The following GHR variants were observed in gnomAD, a reference collection of about 807,000 sequenced individuals.
GHR encodes the protein growth hormone receptor, also known as GH receptor.
GHR carries 35 observed loss-of-function variants against 67.1 expected under a neutral mutation model. That is an observed-to-expected ratio of 0.52 (90% CI 0.40 to 0.69). The LOEUF (loss-of-function observed/expected upper bound fraction) is 0.69. Among genes scored for constraint, GHR ranks in the 30% least tolerant of loss-of-function variants. The probability of loss-of-function intolerance (pLI) is 0.00; values close to 1 mark genes in which losing one functional copy is unlikely to be tolerated. For synonymous variants in GHR, 272 were observed against 269.1 expected (o/e 1.01, Z -0.10); for missense variants, 792 against 764.6 (o/e 1.04, Z -0.42).
chr5:42,467,222 G>A, intron 1 of GHR: 2 of 1,489,014 alleles, frequency 1.3e-6, no homozygotes, highest in Non-Finnish European at 1.9e-6. Context: ...CAGTCATAAG[G>A]TTTCTCTGCA....
chr5:42,616,087 G>C (rs886705229), intron 2 of GHR, among the ~76,000 whole-genome samples: 1 of 151,960 alleles, frequency 6.6e-6, no homozygotes, highest in African/African-American at 2.4e-5. Flanking sequence ...GGGGATCTTG[G>C]TGGCCATGAT....
chr5:42,622,796 T>A (rs935155989), intron 2 of GHR, among the ~76,000 whole-genome samples: 1 of 152,200 alleles, frequency 6.6e-6, no homozygotes, highest in South Asian at 2.1e-4. Flanking sequence ...ACTAGAGAAC[T>A]GGGATTGGCT....
At chr5:42,484,074 C>G (rs1745775584) in intron 1 of GHR, among the ~76,000 whole-genome samples, 1 of 152,168 alleles carries the variant, frequency 6.6e-6, no homozygotes, top group South Asian at 2.1e-4. Context: ...TGCTGGCCAG[C>G]ACATGGATGG....
In GHR at chr5:42,720,159, C is replaced by A. The variant is rs939581068; in HGVS notation, c.*735C>A. ...TTTATACCTCCCCAGACTCCTTCAA[C>A]AATTCTAAAATGATTGTAGTAATCT... On this transcript the variant is annotated 3_prime_UTR_variant, in exon 10 of 10. Transcript: ENST00000230882. 6.6e-6 allele frequency: 1 copy of A among 152,332 alleles called. No homozygotes were observed. The highest frequency in any genetic ancestry group is 1.9e-4 in the East Asian group (1 of 5,186). 9.4% of individuals were successfully genotyped at this position (152,332 alleles called of 1,614,324 possible). A position where few individuals can be genotyped will look rare whatever the true frequency, so the allele number is the denominator to read the frequency against.
At chr5:42,505,648 A>G (rs1746742145) in intron 1 of GHR, among the ~76,000 whole-genome samples, 1 of 152,144 alleles carries the variant, frequency 6.6e-6, no homozygotes, top group Admixed American at 6.5e-5. Flanking sequence ...CTTTTGTGAG[A>G]TTTCGCTTAT....
chr5:42,686,509 C>A (rs992821167), intron 3 of GHR, among the ~76,000 whole-genome samples: 1 of 152,204 alleles, frequency 6.6e-6, no homozygotes, highest in African/African-American at 2.4e-5. Flanking sequence ...CCCTGGAATG[C>A]AAGGCTGGTT....
chr5:42,477,179 A>C (rs1484302545), intron 1 of GHR, among the ~76,000 whole-genome samples: 1 of 151,798 alleles, frequency 6.6e-6, no homozygotes, highest in African/African-American at 2.4e-5. Flanking sequence ...GATGGTTTCC[A>C]GTTTCATCCA....
chr5:42,566,407 C>T (rs1359206932), intron 2 of GHR, among the ~76,000 whole-genome samples: 1 of 152,216 alleles, frequency 6.6e-6, no homozygotes, highest in Non-Finnish European at 1.5e-5. Context: ...TCACTTCTCA[C>T]TCTCTGGGTG....
At chr5:42,566,100 T>C (rs1333803176) in intron 2 of GHR, among the ~76,000 whole-genome samples, 156 bp downstream of exon 2, 1 of 152,232 alleles carries the variant, frequency 6.6e-6, no homozygotes, top group Non-Finnish European at 1.5e-5. Context: ...CAGAAACTAG[T>C]AGGACTTTTC....
chr5:42,694,825 T>G, intron 4 of GHR, 92 bp from the exon 5 acceptor site: 2 of 941,104 alleles, frequency 2.1e-6, no homozygotes, highest in Middle Eastern at 2.1e-4. Flanking sequence ...TGTCTTCCAA[T>G]TTATTGAATC....
rs530498535 is a variant in GHR at position 42,611,874 on chromosome 5, C to T, written c.71-17164C>T. Among the ~76,000 whole-genome samples the T allele has an allele frequency of 3.3e-5, 5 of 152,218 alleles. No individual in the cohort carries two copies. In the South Asian group the frequency reaches 6.2e-4, roughly 19 times the overall value. On this transcript the variant is annotated intron_variant, in intron 2 of 9. Coordinates refer to ENST00000230882, the MANE Select transcript of GHR (RefSeq NM_000163.5). Reference sequence around the variant, plus strand: ...ACTGACTCATCATTGGACTCTCAACCAATTTTAGCCCTGTGCTATCTGCAT... The same window carrying T: ...ACTGACTCATCATTGGACTCTCAACTAATTTTAGCCCTGTGCTATCTGCAT...
Position 42,720,223 on chromosome 5 carries a change from A to T in GHR, c.*799A>T, listed in dbSNP as rs1428829708. On this transcript the variant is annotated 3_prime_UTR_variant, in exon 10 of 10. Coordinates refer to ENST00000230882, the MANE Select transcript of GHR (RefSeq NM_000163.5). Reference sequence around the variant, plus strand: ...ATAATTGTTTTATCTGAATTTTTAAACAAGTATTTGTTAATTTAGAAAACT... The same window carrying T: ...ATAATTGTTTTATCTGAATTTTTAATCAAGTATTTGTTAATTTAGAAAACT... The T allele has an allele frequency of 6.6e-6, 1 of 152,278 alleles. No individual in the cohort carries two copies. Among genetic ancestry groups the T allele is most frequent in the Non-Finnish European group, 1.5e-5 (1 of 68,072 alleles). The allele number at this position is 152,278 out of a possible 1,614,324, so 9.4% of individuals were successfully genotyped here.
At chr5:42,551,178 G>C (rs1178933661) in intron 1 of GHR, among the ~76,000 whole-genome samples, 1 of 152,208 alleles carries the variant, frequency 6.6e-6, no homozygotes. Context: ...CAGTAGGCCT[G>C]TGTCTTGCCC....
intron 1 of GHR, among the ~76,000 whole-genome samples, chr5:42,427,416 T>A (rs1742900360): frequency 6.6e-6 from 1 of 152,178 alleles, no homozygotes; most frequent in African/African-American, 2.4e-5. Context: ...CTCATTAGAC[T>A]TATTCACTAT....
At chr5:42,530,934 T>G (rs1191219649) in intron 1 of GHR, among the ~76,000 whole-genome samples, 7 of 152,340 alleles carry the variant, frequency 4.6e-5, no homozygotes, top group South Asian at 2.1e-4. Context: ...CATTGAGATA[T>G]AAATGAATGC....
At chr5:42,697,763 G>A (rs908425523) in intron 5 of GHR, among the ~76,000 whole-genome samples, 2 of 152,154 alleles carry the variant, frequency 1.3e-5, no homozygotes, top group African/African-American at 2.4e-5. Context: ...TAGATGATGA[G>A]CGATGTGATC....
chr5:42,476,897 A>G (rs1035236483), intron 1 of GHR, among the ~76,000 whole-genome samples: 2 of 151,964 alleles, frequency 1.3e-5, no homozygotes, highest in Admixed American at 6.6e-5. Context: ...TTATTATTAT[A>G]ATACTTTAAG....
At chr5:42,683,621 A>C (rs1293743471) in intron 3 of GHR, among the ~76,000 whole-genome samples, 2 of 152,058 alleles carry the variant, frequency 1.3e-5, no homozygotes, top group Non-Finnish European at 2.9e-5. Context: ...ACTTAACAGC[A>C]CATACCCAGC....
chr5:42,435,423 G>C (rs1002118447), intron 1 of GHR, among the ~76,000 whole-genome samples: 3 of 152,298 alleles, frequency 2.0e-5, no homozygotes, highest in East Asian at 3.9e-4. Context: ...GTTTTTCAGA[G>C]AGATTTCTAC....
Sources: allele counts gnomAD v4.1 joint callset (sites outside exome capture counted in the v4.1 genomes callset), GRCh38; gene constraint gnomAD v4.1.1; transcripts MANE v1.5; gene names NCBI Gene and HGNC (gene_info 2026-07-23, HGNC 2026-07-21).